CDH20: variants seen among roughly 807,000 people sequenced by gnomAD.
CDH20 encodes the protein cadherin 20, also known as cadherin-20.
CDH20 carries 29 observed loss-of-function variants against 74.2 expected under a neutral mutation model. The ratio of observed to expected loss-of-function variants is 0.39; its 90% CI spans 0.29 to 0.53. The LOEUF is 0.53. Ranked by LOEUF, CDH20 falls within the 20% of genes least tolerant of loss-of-function variation. CDH20 has a pLI of 0.69. For synonymous variants in CDH20, 469 were observed against 405.4 expected, an observed-to-expected ratio of 1.16 and a Z score of -1.88; for missense variants, 988 against 1,048.3, an observed-to-expected ratio of 0.94 and a Z score of 0.79.
intron 2 of CDH20, among the ~76,000 whole-genome samples, chr18:61,492,462 G>A (rs545862363): frequency 3.9e-5 from 6 of 152,096 alleles, no homozygotes; most frequent in South Asian, 2.1e-4. Context: ...CTCTACTTAC[G>A]TCTCTTCAAT....
At chr18:61,487,670 G>A (rs932421818) in intron 1 of CDH20, among the ~76,000 whole-genome samples, 1 of 152,178 alleles carries the variant, frequency 6.6e-6, no homozygotes, top group Admixed American at 6.5e-5. Flanking sequence ...TTGCACTAGT[G>A]TGTAGGAGGC....
At chr18:61,516,450 A>G (rs939990363) in intron 6 of CDH20, among the ~76,000 whole-genome samples, 2 of 152,208 alleles carry the variant, frequency 1.3e-5, no homozygotes, top group African/African-American at 4.8e-5. Context: ...GTGTGCTGTG[A>G]GAACAAAGAA....
chr18:61,527,123 T>C (rs1023950102), intron 6 of CDH20, among the ~76,000 whole-genome samples: 40 of 152,284 alleles, frequency 2.6e-4, no homozygotes, highest in African/African-American at 9.6e-4. Flanking sequence ...GAGGTTGCAA[T>C]GAGCTGAGAT....
intron 1 of CDH20, among the ~76,000 whole-genome samples, chr18:61,403,638 G>A (rs968066015): frequency 5.3e-5 from 8 of 152,182 alleles, no homozygotes; most frequent in Non-Finnish European, 1.2e-4. Context: ...AGAGAGCCCT[G>A]TGGAAGCACC....
rs747093724 is a variant in CDH20 at position 61,554,558 on chromosome 18, G to A, written c.2269G>A (p.Ala757Thr). The change falls in exon 12 of 12, where the codon GCG becomes ACG. Residue 757 changes from alanine (A) to threonine (T), a missense_variant. Physicochemically the swap from Ala to Thr is moderately conservative, Grantham distance 58 (BLOSUM62 0). Transcript: ENST00000262717. ...TYMFEGDGSV[A>T]GSLSSLQSAT... Reference sequence around the variant, plus strand: ...TATGTTCGAGGGGGACGGCTCTGTGGCGGGGTCGCTGAGCTCCCTGCAGTC... The same window carrying A: ...TATGTTCGAGGGGGACGGCTCTGTGACGGGGTCGCTGAGCTCCCTGCAGTC... The A allele has an allele frequency of 1.9e-6, 3 of 1,610,950 alleles. No individual in the cohort carries two copies. The highest frequency in any genetic ancestry group is 1.7e-5 in the Admixed American group (1 of 59,858).
intron 1 of CDH20, among the ~76,000 whole-genome samples, chr18:61,414,377 G>A (rs181350587): frequency 2.0e-5 from 3 of 152,236 alleles, no homozygotes; most frequent in African/African-American, 4.8e-5. Context: ...GAATGTATTC[G>A]TCTCCTATGA....
At chr18:61,359,401 AAAAG>A (rs781687451) in intron 1 of CDH20, among the ~76,000 whole-genome samples, 1 of 152,018 alleles carries the variant, frequency 6.6e-6, no homozygotes, top group Non-Finnish European at 1.5e-5. Context: ...AATAAAATAA[AAAAG>A]AAAGAAAGAA....
At chr18:61,507,350 C>A (rs201492573) in intron 5 of CDH20, 23 bp from the exon 6 acceptor site, 3 of 1,600,234 alleles carry the variant, frequency 1.9e-6, no homozygotes, top group Middle Eastern at 1.7e-4. Flanking sequence ...ATCAAGAATG[C>A]GTGTCCTGGC....
At chr18:61,411,000 AC>A (rs1912476605) in intron 1 of CDH20, among the ~76,000 whole-genome samples, 1 of 152,136 alleles carries the variant, frequency 6.6e-6, no homozygotes, top group African/African-American at 2.4e-5. Context: ...GGAGATCAAG[AC>A]CATCCTGGTT....
At chr18:61,379,283 A>G (rs1911354786) in intron 1 of CDH20, among the ~76,000 whole-genome samples, 1 of 152,224 alleles carries the variant, frequency 6.6e-6, no homozygotes, top group Admixed American at 6.5e-5. Context: ...CTGGGCACAT[A>G]AAATTTCAAC....
chr18:61,447,041 A>G (rs948937019), intron 1 of CDH20, among the ~76,000 whole-genome samples: 2 of 152,238 alleles, frequency 1.3e-5, no homozygotes, highest in African/African-American at 2.4e-5. Flanking sequence ...CAAGGGGAAG[A>G]GTTTTCTCTT....
At chr18:61,544,900 C>A in intron 9 of CDH20, 127 bp from the exon 10 acceptor site, 1 of 685,456 alleles carries the variant, frequency 1.5e-6, no homozygotes, top group East Asian at 2.6e-5. Context: ...GCCCCTCTCC[C>A]ATACCAATGA....
chr18:61,400,887 G>A (rs537031801), intron 1 of CDH20, among the ~76,000 whole-genome samples: 2 of 152,186 alleles, frequency 1.3e-5, no homozygotes, highest in Non-Finnish European at 2.9e-5. Flanking sequence ...TCATTGGCTT[G>A]AAACCCCAAA....
intron 1 of CDH20, among the ~76,000 whole-genome samples, chr18:61,405,422 AAAAAAT>A (rs956724727): frequency 5.9e-5 from 9 of 152,052 alleles, no homozygotes; most frequent in African/African-American, 2.2e-4. Flanking sequence ...CCCCATCTTT[AAAAAAT>A]AAAAATAAAA....
intron 1 of CDH20, among the ~76,000 whole-genome samples, chr18:61,425,040 CCTCTCTCTCTCTCTCTCT>C (rs10535853): frequency 3.7e-5 from 5 of 134,652 alleles, no homozygotes; most frequent in East Asian, 4.3e-4. Flanking sequence ...CTTCCCCGCT[CCTCTCTCTCTCTCTCTCT>C]CTCTCTCTCT....
chr18:61,410,315 G>A (rs535126523), intron 1 of CDH20, among the ~76,000 whole-genome samples: 63 of 152,132 alleles, frequency 4.1e-4, no homozygotes, highest in African/African-American at 1.4e-3. Context: ...AGTAATCAAC[G>A]TACAATAAAG....
intron 1 of CDH20, among the ~76,000 whole-genome samples, chr18:61,403,959 T>C (rs1168274226): frequency 6.6e-6 from 1 of 152,194 alleles, no homozygotes; most frequent in Non-Finnish European, 1.5e-5. Flanking sequence ...GAAGTCATTA[T>C]CCTCTGCAGA....
At chr18:61,524,007 C>T (rs749015358) in intron 6 of CDH20, among the ~76,000 whole-genome samples, 1 of 151,874 alleles carries the variant, frequency 6.6e-6, no homozygotes, top group Non-Finnish European at 1.5e-5. Flanking sequence ...ACAGGTATAC[C>T]TATGTAACAA....
chr18:61,537,531 A>ACCTTAC (rs1231773727), intron 8 of CDH20, among the ~76,000 whole-genome samples: 1 of 152,206 alleles, frequency 6.6e-6, no homozygotes, highest in East Asian at 1.9e-4. Context: ...ACAAAGGATA[A>ACCTTAC]CCTTACCCTA....
Sources: gnomAD v4.1 joint callset for allele counts (sites outside exome capture counted in the v4.1 genomes callset) on GRCh38, gnomAD v4.1.1 for gene constraint, MANE v1.5 for transcripts, NCBI Gene and HGNC (gene_info 2026-07-23, HGNC 2026-07-21) for gene names.